ARPP21: variants seen among roughly 807,000 people sequenced by gnomAD.
The protein encoded by ARPP21 is cAMP regulated phosphoprotein 21, also known as cAMP-regulated phosphoprotein 21.
ARPP21 carries 69 observed loss-of-function variants against 113.2 expected under a neutral mutation model. That is an observed-to-expected ratio of 0.61 (90% CI 0.50 to 0.74). ARPP21 has a LOEUF of 0.74. Ranked by LOEUF, ARPP21 falls within the 30% of genes least tolerant of loss-of-function variation. The pLI is 0.00. For synonymous variants in ARPP21, 368 were observed against 375.5 expected, an observed-to-expected ratio of 0.98 and a Z score of 0.23; for missense variants, 1,070 against 1,037.4, an observed-to-expected ratio of 1.03 and a Z score of -0.43.
intron 1 of ARPP21, among the ~76,000 whole-genome samples, chr3:35,646,404 G>A (rs1700238824): frequency 6.6e-6 from 1 of 152,044 alleles, no homozygotes; most frequent in Admixed American, 6.6e-5. Flanking sequence ...AGCGTTGCTA[G>A]CATCAGATTT....
intron 7 of ARPP21, 132 bp from the exon 8 acceptor site, chr3:35,689,949 C>A: frequency 1.7e-6 from 1 of 580,164 alleles, no homozygotes; most frequent in Admixed American, 3.1e-5. Context: ...TCAGCATATT[C>A]CAAAGAAGAG....
chr3:35,683,590 G>A (rs1459634302), intron 4 of ARPP21, 136 bp from the exon 5 acceptor site: 1 of 649,496 alleles, frequency 1.5e-6, no homozygotes. Context: ...AGTACTGATT[G>A]GCAGACTTGA....
At chr3:35,661,026 C>T (rs1432392616) in intron 1 of ARPP21, among the ~76,000 whole-genome samples, 1 of 152,102 alleles carries the variant, frequency 6.6e-6, no homozygotes, top group Non-Finnish European at 1.5e-5. Context: ...TCTATCTTTG[C>T]ATCTCACAAT....
chr3:35,792,175 A>T lies in ARPP21; in HGVS notation c.2138-207A>T, dbSNP rs990516874. 3 of 564,120 alleles carry T rather than the reference A, an allele frequency of 5.3e-6. No individual in the cohort carries two copies. In the African/African-American group the frequency reaches 5.6e-5, roughly 10 times the overall value. The allele number at this position is 564,120 out of a possible 1,614,324, so 34.9% of individuals were successfully genotyped here. A position where few individuals can be genotyped will look rare whatever the true frequency, so the allele number is the denominator to read the frequency against. On this transcript the variant is annotated intron_variant, in intron 19 of 20. Coordinates refer to ENST00000684406, the MANE Select transcript of ARPP21 (RefSeq NM_001385562.1). ...CATTCTGCATAACAATAGAAATGTC[A>T]GTGAATTTTTAAAGCCATAATCTTG...
chr3:35,647,722 A>C (rs953448855), intron 1 of ARPP21, among the ~76,000 whole-genome samples: 3 of 152,172 alleles, frequency 2.0e-5, no homozygotes, highest in Non-Finnish European at 4.4e-5. Flanking sequence ...TAGTGTGACT[A>C]TGGCCAAAGC....
At chr3:35,744,047 A>G in intron 19 of ARPP21, 82 bp downstream of exon 19, 4 of 1,470,256 alleles carry the variant, frequency 2.7e-6, no homozygotes, top group Non-Finnish European at 2.8e-6. Flanking sequence ...TGAGTGTCCA[A>G]GCTTGGCAAT....
In ARPP21 at chr3:35,710,340, G is replaced by A. The variant is rs150243594; in HGVS notation, c.897+1270G>A. ...AATGCAAAATACAGCCTGACATATG[G>A]TGGGCCTTTAATTGTGTTTGGTGGA... On this transcript the variant is annotated intron_variant, in intron 11 of 20. Transcript: ENST00000684406. 3.3e-3 allele frequency among the ~76,000 whole-genome samples: 505 copies of A among 152,152 alleles called. 2 individuals are homozygous for A. Among genetic ancestry groups the A allele is most frequent in the African/African-American group, 0.012 (495 of 41,512 alleles).
chr3:35,746,861 A>G (rs1437868961), intron 19 of ARPP21, among the ~76,000 whole-genome samples: 4 of 152,320 alleles, frequency 2.6e-5, no homozygotes, highest in East Asian at 3.9e-4. Flanking sequence ...AAAACTCTAC[A>G]CAGTGAATTT....
At chr3:35,743,810 C>A in intron 18 of ARPP21, 29 bp from the exon 19 acceptor site, 2 of 1,606,644 alleles carry the variant, frequency 1.2e-6, no homozygotes, top group Non-Finnish European at 1.7e-6. Flanking sequence ...CATTTTCATT[C>A]TCTGCTTTCT....
intron 19 of ARPP21, among the ~76,000 whole-genome samples, chr3:35,767,758 G>T (rs1019449787): frequency 1.3e-5 from 2 of 151,864 alleles, no homozygotes; most frequent in Admixed American, 1.3e-4. Context: ...TACACTCCTT[G>T]ATAGCCATTA....
chr3:35,682,808 GTTTTA>G (rs376269594), intron 3 of ARPP21, 35 bp from the exon 4 acceptor site: 1 of 1,575,930 alleles, frequency 6.3e-7, no homozygotes, highest in Non-Finnish European at 8.6e-7. Flanking sequence ...GTTTTTGTTT[GTTTTA>G]TTTTATTTTG....
At chr3:35,677,609 T>C (rs747321835) in intron 1 of ARPP21, among the ~76,000 whole-genome samples, 2 of 141,214 alleles carry the variant, frequency 1.4e-5, no homozygotes, top group African/African-American at 4.9e-5. Flanking sequence ...AAAATAGTAT[T>C]TCCACTAAAA....
chr3:35,780,209 G>GCATCATCAA (rs1324547823), intron 19 of ARPP21, among the ~76,000 whole-genome samples: 2 of 152,250 alleles, frequency 1.3e-5, no homozygotes, highest in East Asian at 3.9e-4. Flanking sequence ...TTCTTTATCA[G>GCATCATCAA]CATCATCAAT....
In ARPP21 at chr3:35,731,160, CAG is replaced by C. The variant is rs557813315; in HGVS notation, c.1459+1627_1459+1628del. ...GAGTGGTTTGTTTTAAGCAAAATTA[CAG>C]AGTGTTTTGAAAAAGCTCAACAGAG... On this transcript the variant is annotated intron_variant, in intron 15 of 20. Coordinates refer to ENST00000684406, the MANE Select transcript of ARPP21 (RefSeq NM_001385562.1). Among the ~76,000 whole-genome samples the C allele has an allele frequency of 2.0e-4, 30 of 152,206 alleles. No individual in the cohort carries two copies. The East Asian group carries it at 4.8e-3, about 24-fold the overall frequency.
chr3:35,671,741 A>C (rs2076391246), intron 1 of ARPP21, among the ~76,000 whole-genome samples: 1 of 152,048 alleles, frequency 6.6e-6, no homozygotes, highest in Non-Finnish European at 1.5e-5. Flanking sequence ...AGGAAACCTC[A>C]TGCAATACTG....
chr3:35,722,216 C>T (rs2093144844), intron 14 of ARPP21, among the ~76,000 whole-genome samples: 1 of 152,260 alleles, frequency 6.6e-6, no homozygotes, highest in South Asian at 2.1e-4. Flanking sequence ...ACCTGCATTA[C>T]AGTAACTACC....
chr3:35,676,271 C>A (rs1338744804), intron 1 of ARPP21, among the ~76,000 whole-genome samples: 1 of 151,908 alleles, frequency 6.6e-6, no homozygotes, highest in African/African-American at 2.4e-5. Flanking sequence ...ACAGCTTTGG[C>A]ATCAGTTCCT....
At chr3:35,750,752 A>C (rs936081885) in intron 19 of ARPP21, among the ~76,000 whole-genome samples, 2 of 152,226 alleles carry the variant, frequency 1.3e-5, no homozygotes, top group Admixed American at 1.3e-4. Context: ...GCAAAGACAG[A>C]GGAGGGACTT....
chr3:35,738,242 A>G lies in ARPP21; in HGVS notation c.1673A>G (p.Gln558Arg). Residue 558 changes from glutamine (Q) to arginine (R), a missense_variant, in exon 17 of 21, where the codon CAG becomes CGG. Physicochemically the swap from Gln to Arg is conservative, Grantham distance 43. Coordinates refer to ENST00000684406, the MANE Select transcript of ARPP21 (RefSeq NM_001385562.1). The stretch of plus-strand genomic sequence containing the variant: ...GTCCAGGGGCTGCAGGCTTCCTCCC[A>G]GTCAGTGCAATATCCAGCAGTCTCT... The part of the protein sequence containing the change: ...QSVQGLQASS[Q>R]SVQYPAVSFP... 6.5e-7 allele frequency: 1 copy of G among 1,536,330 alleles called. No homozygotes were observed. Among genetic ancestry groups the G allele is most frequent in the Non-Finnish European group, 8.7e-7 (1 of 1,146,764 alleles).
Sources: gnomAD v4.1 joint callset for allele counts (sites outside exome capture counted in the v4.1 genomes callset) on GRCh38, gnomAD v4.1.1 for gene constraint, MANE v1.5 for transcripts, NCBI Gene and HGNC (gene_info 2026-07-23, HGNC 2026-07-21) for gene names.